PLA2G4A: variants seen among roughly 807,000 people sequenced by gnomAD.
The protein encoded by PLA2G4A is cytosolic phospholipase A2.
A neutral mutation model predicts 81.9 loss-of-function variants in PLA2G4A; 40 were observed. The observed-to-expected ratio is 0.49, with a 90% confidence interval of 0.38 to 0.64. The LOEUF is 0.64. Among genes scored for constraint, PLA2G4A ranks in the 30% least tolerant of loss-of-function variants. The pLI, the probability that PLA2G4A is intolerant of heterozygous loss-of-function variation, is 0.00. For missense variants in PLA2G4A, 715 were observed against 905.1 expected, an observed-to-expected ratio of 0.79 and a Z score of 2.69; for synonymous variants, 302 against 296.9, an observed-to-expected ratio of 1.02 and a Z score of -0.18.
chr1:186,961,558 A>G (rs1656947136), intron 14 of PLA2G4A, among the ~76,000 whole-genome samples: 1 of 152,180 alleles, frequency 6.6e-6, no homozygotes, highest in Non-Finnish European at 1.5e-5. Context: ...GGTGGAAACA[A>G]TGGTGTTTAG....
chr1:186,893,922 A>AC (rs1654240419), intron 4 of PLA2G4A, among the ~76,000 whole-genome samples, 176 bp from the exon 5 acceptor site: 1 of 150,458 alleles, frequency 6.6e-6, no homozygotes, highest in African/African-American at 2.4e-5. Context: ...CTGTCTCAAA[A>AC]AAAAAAAAAA....
chr1:186,925,097 A>G (rs148225883), intron 7 of PLA2G4A, among the ~76,000 whole-genome samples: 345 of 152,150 alleles, frequency 2.3e-3, no homozygotes, highest in African/African-American at 8.1e-3. Context: ...ATGTCACCCA[A>G]CAACTGTGTG....
chr1:186,841,206 T>C (rs112342162), intron 1 of PLA2G4A, among the ~76,000 whole-genome samples: 26 of 152,184 alleles, frequency 1.7e-4, no homozygotes, highest in Non-Finnish European at 3.4e-4. Context: ...TTTATAACTA[T>C]GATTCAAACC....
chr1:186,932,292 TTC>T (rs1213418025), intron 7 of PLA2G4A, among the ~76,000 whole-genome samples: 1 of 88,074 alleles, frequency 1.1e-5, no homozygotes, highest in Non-Finnish European at 2.6e-5. Flanking sequence ...TCTTTTCTTT[TTC>T]TTTTTTTTTT....
chr1:186,927,558 T>G (rs1379281943), intron 7 of PLA2G4A, among the ~76,000 whole-genome samples: 1 of 152,106 alleles, frequency 6.6e-6, no homozygotes, highest in African/African-American at 2.4e-5. Flanking sequence ...AGTAAAGAAA[T>G]GAGAGAAGAA....
chr1:186,890,923 C>A (rs1321997881), intron 3 of PLA2G4A, among the ~76,000 whole-genome samples: 1 of 151,400 alleles, frequency 6.6e-6, no homozygotes, highest in Non-Finnish European at 1.5e-5. Context: ...TGAATATTGC[C>A]ATAATAAATA....
chr1:186,926,655 T>C lies in PLA2G4A; in HGVS notation c.559-6108T>C, dbSNP rs932624499. Among the ~76,000 whole-genome samples the C allele has an allele frequency of 1.3e-5, 2 of 152,240 alleles. 1 individual carries two copies. The highest frequency in any genetic ancestry group is 4.1e-4 in the South Asian group (2 of 4,836). ...ACAAGAACAGTCCTATTCATCTCAATACAGACAGTATCCAGTTTAGACCTC... is the reference window on the plus strand; with the variant it reads ...ACAAGAACAGTCCTATTCATCTCAACACAGACAGTATCCAGTTTAGACCTC... On this transcript the variant is annotated intron_variant, in intron 7 of 17. Transcript: ENST00000367466.
chr1:186,863,089 T>C (rs1056581639), intron 2 of PLA2G4A, among the ~76,000 whole-genome samples: 2 of 152,176 alleles, frequency 1.3e-5, no homozygotes, highest in Non-Finnish European at 2.9e-5. Context: ...GAATATATCA[T>C]TAAGTAAATA....
At chr1:186,954,659 A>T (rs116510085) in intron 13 of PLA2G4A, among the ~76,000 whole-genome samples, 6,501 of 25,660 alleles carry the variant, frequency 0.25, 191 homozygotes, top group African/African-American at 0.44. Context: ...AGCTGACTAT[A>T]GAATCTCTTT....
chr1:186,888,375 T>C (rs1307022303), intron 3 of PLA2G4A, among the ~76,000 whole-genome samples: 1 of 152,134 alleles, frequency 6.6e-6, no homozygotes, highest in Non-Finnish European at 1.5e-5. Flanking sequence ...AATTTGTCCT[T>C]TCCTTTTCCC....
chr1:186,926,829 A>T (rs1181853444), intron 7 of PLA2G4A, among the ~76,000 whole-genome samples: 1 of 152,220 alleles, frequency 6.6e-6, no homozygotes. Context: ...AGCAAAATGT[A>T]TAGGGGCACT....
In PLA2G4A at chr1:186,951,429, A is replaced by G. The variant is rs1206035523; in HGVS notation, c.1336+701A>G. The stretch of plus-strand genomic sequence containing the variant: ...TTTGACACAGTGTTTTGAGACAGCC[A>G]TTTATAAAAATGTTCCCAATAGTTA... On this transcript the variant is annotated intron_variant, in intron 13 of 17. Transcript: ENST00000367466. Among the ~76,000 whole-genome samples, 4 of 123,438 alleles carry G rather than the reference A, an allele frequency of 3.2e-5. No homozygotes were observed. In the East Asian group the frequency reaches 7.3e-4, roughly 23 times the overall value. The allele number at this position is 123,438 out of a possible 152,430, so 81.0% of individuals were successfully genotyped here.
chr1:186,869,877 T>C (rs931786899), intron 2 of PLA2G4A, among the ~76,000 whole-genome samples: 2 of 152,222 alleles, frequency 1.3e-5, no homozygotes, highest in African/African-American at 2.4e-5. Context: ...TTTATTATGT[T>C]TATGCAAGGT....
chr1:186,915,165 C>A (rs1655095227), intron 7 of PLA2G4A, among the ~76,000 whole-genome samples: 3 of 152,148 alleles, frequency 2.0e-5, no homozygotes, highest in Admixed American at 1.3e-4. Flanking sequence ...TTTGTCATAT[C>A]TCTAACTATG....
chr1:186,847,693 G>C (rs1031188917), intron 1 of PLA2G4A, among the ~76,000 whole-genome samples: 1 of 152,118 alleles, frequency 6.6e-6, no homozygotes, highest in Non-Finnish European at 1.5e-5. Context: ...TGTGGGAAGA[G>C]CTTCAGAAGA....
chr1:186,977,676 G>C lies in PLA2G4A; in HGVS notation c.1848G>C (p.Gly616=). The C allele has an allele frequency of 6.2e-7, 1 of 1,612,804 alleles. No homozygotes were observed. The highest frequency in any genetic ancestry group is 8.5e-7 in the Non-Finnish European group (1 of 1,178,822). Residue 616 remains glycine, a synonymous_variant, in exon 16 of 18, where the codon GGG becomes GGC. Coordinates refer to ENST00000367466, the MANE Select transcript of PLA2G4A (RefSeq NM_024420.3). ...ATCCTTATGTGTTTGATCGGGAAGG[G>C]CTGAAGGAGTGCTATGTCTTTAAAC... is the stretch of plus-strand genomic sequence containing the variant. ...KIDPYVFDRE[G]LKECYVFKPK...
intron 4 of PLA2G4A, among the ~76,000 whole-genome samples, chr1:186,893,839 G>A (rs1355385588): frequency 2.0e-5 from 3 of 150,020 alleles, no homozygotes; most frequent in Non-Finnish European, 3.0e-5. Context: ...CAGGAGATTC[G>A]CTTGAATCTG....
Position 186,834,378 on chromosome 1 carries a change from CG to C in PLA2G4A, c.-70+5344del, listed in dbSNP as rs759059886. The stretch of plus-strand genomic sequence containing the variant: ...GAAAAAGAGCTATTGAAAAGTCAAA[CG>C]TTTTTTTCTTTTTTTTAATGTCTGC... On this transcript the variant is annotated intron_variant, in intron 1 of 17. Coordinates refer to ENST00000367466, the MANE Select transcript of PLA2G4A (RefSeq NM_024420.3). 5.9e-5 allele frequency among the ~76,000 whole-genome samples: 9 copies of C among 151,486 alleles called. No homozygotes were observed. The South Asian group carries it at 6.2e-4, about 10-fold the overall frequency.
chr1:186,845,979 A>G (rs2102014525), intron 1 of PLA2G4A, among the ~76,000 whole-genome samples: 1 of 152,354 alleles, frequency 6.6e-6, no homozygotes, highest in South Asian at 2.1e-4. Context: ...CTTCAGACTT[A>G]AGAGACTTTG....
Sources: gnomAD v4.1 joint callset for allele counts (sites outside exome capture counted in the v4.1 genomes callset) on GRCh38, gnomAD v4.1.1 for gene constraint, MANE v1.5 for transcripts, NCBI Gene and HGNC (gene_info 2026-07-23, HGNC 2026-07-21) for gene names.